The following ACTR3C variants were observed in gnomAD, a reference collection of about 807,000 sequenced individuals.
The protein encoded by ACTR3C is actin related protein 3C, also known as actin-related protein 3C.
ACTR3C carries 18 observed loss-of-function variants against 26.3 expected under a neutral mutation model. The observed-to-expected ratio is 0.68, with a 90% CI of 0.47 to 1.01. ACTR3C has a LOEUF of 1.01. ACTR3C is among the 50% of genes least tolerant of loss of function. The pLI is 0.00. For missense variants in ACTR3C, 184 were observed against 250.7 expected (o/e 0.73, Z 1.80); for synonymous variants, 55 against 94.5 (o/e 0.58, Z 2.42).
chr7:150,010,513 G>A, the ACTR3C span, among the ~76,000 whole-genome samples: 1 of 152,080 alleles, frequency 6.6e-6, no homozygotes, highest in African/African-American at 2.4e-5. Context: ...GGCCAACATG[G>A]TGAAACCCTG....
the ACTR3C span, among the ~76,000 whole-genome samples, chr7:150,143,611 C>T: frequency 3.3e-5 from 5 of 152,298 alleles, no homozygotes; most frequent in South Asian, 6.2e-4. Context: ...TGAGTATATC[C>T]GTCATGATTC....
At chr7:150,302,695 C>T (rs1233533387) in intron 1 of ACTR3C, 1 of 152,264 alleles carries the variant, frequency 6.6e-6, no homozygotes, top group East Asian at 1.9e-4. Context: ...ATTTTCTATA[C>T]CACACTTACA....
At chr7:149,986,708 C>T in the ACTR3C span, among the ~76,000 whole-genome samples, 4 of 152,108 alleles carry the variant, frequency 2.6e-5, no homozygotes, top group East Asian at 1.9e-4. Flanking sequence ...CCCATTTTCT[C>T]GCACAAAACT....
At chr7:149,884,770 G>A in the ACTR3C span, among the ~76,000 whole-genome samples, 8 of 152,330 alleles carry the variant, frequency 5.3e-5, no homozygotes, top group African/African-American at 1.7e-4. Context: ...GGAATCATGC[G>A]CCGGGTGCAG....
the ACTR3C span, among the ~76,000 whole-genome samples, chr7:150,031,108 T>A: frequency 6.6e-6 from 1 of 151,782 alleles, no homozygotes; most frequent in African/African-American, 2.4e-5. Context: ...AATACAAAAA[T>A]TAGCCAGGCA....
chr7:149,968,528 G>A, the ACTR3C span, among the ~76,000 whole-genome samples: 62,684 of 151,958 alleles, frequency 0.41, 14,433 homozygotes, highest in South Asian at 0.55. Flanking sequence ...GCGAGACTCC[G>A]TCTCAAAAAA....
chr7:150,013,990 C>G, the ACTR3C span, among the ~76,000 whole-genome samples: 1 of 152,166 alleles, frequency 6.6e-6, no homozygotes, highest in African/African-American at 2.4e-5. Context: ...AGTCTGCCAA[C>G]CTGAGTGGCT....
the ACTR3C span, among the ~76,000 whole-genome samples, chr7:150,171,775 A>G: frequency 1.4e-5 from 2 of 148,094 alleles, no homozygotes; most frequent in Admixed American, 6.6e-5. Context: ...CAGCTTACAA[A>G]TATTAAAAAT....
chr7:149,920,716 G>T, the ACTR3C span, among the ~76,000 whole-genome samples: 95,336 of 138,908 alleles, frequency 0.69, 31,675 homozygotes, highest in African/African-American at 0.8. Context: ...GTGGCCTGTT[G>T]GCTTTTTTCC....
chr7:150,042,094 C>T, the ACTR3C span, among the ~76,000 whole-genome samples: 9 of 86,342 alleles, frequency 1.0e-4, no homozygotes, highest in South Asian at 1.6e-3. Flanking sequence ...GTCCCTGCCT[C>T]GCGGGGGGTG....
the ACTR3C span, among the ~76,000 whole-genome samples, chr7:150,224,815 G>A: frequency 0.097 from 14,826 of 152,140 alleles, 922 homozygotes; most frequent in East Asian, 0.23. Context: ...TCTGCTCCAC[G>A]GGAGACCTGT....
chr7:150,286,322 T>C, intron 5 of ACTR3C, 45 bp downstream of exon 5: 1 of 1,594,192 alleles, frequency 6.3e-7, no homozygotes, highest in Non-Finnish European at 8.5e-7. Flanking sequence ...GGTGGCAGTA[T>C]CGCTCCATCC....
chr7:150,113,245 CAA>C, the ACTR3C span, among the ~76,000 whole-genome samples: 248 of 122,322 alleles, frequency 2.0e-3, no homozygotes, highest in African/African-American at 2.5e-3. Context: ...TTTCTGAGGG[CAA>C]AAAAAAAAAA....
the ACTR3C span, among the ~76,000 whole-genome samples, chr7:150,132,336 T>C: frequency 9.2e-5 from 14 of 152,232 alleles, no homozygotes; most frequent in Admixed American, 9.2e-4. Context: ...CAAAATATTG[T>C]AGCTTTAAAA....
At chr7:150,055,942 C>T in the ACTR3C span, among the ~76,000 whole-genome samples, 1 of 152,082 alleles carries the variant, frequency 6.6e-6, no homozygotes, top group Non-Finnish European at 1.5e-5. Flanking sequence ...AAAGTTGAAA[C>T]CTGACTTTTA....
chr7:150,165,504 A>C, the ACTR3C span, among the ~76,000 whole-genome samples: 1 of 150,956 alleles, frequency 6.6e-6, no homozygotes, highest in African/African-American at 2.5e-5. Flanking sequence ...ACAGTTTTCC[A>C]CGTCCTCCAA....
chr7:150,093,391 G>A, the ACTR3C span, among the ~76,000 whole-genome samples: 1,809 of 151,290 alleles, frequency 0.012, 127 homozygotes, highest in African/African-American at 0.042. Flanking sequence ...AAATAACAAT[G>A]TCTATACTCA....
chr7:150,202,928 T>G, the ACTR3C span, among the ~76,000 whole-genome samples: 39 of 152,360 alleles, frequency 2.6e-4, 1 homozygote, highest in East Asian at 4.0e-3. Context: ...CCAAAATGTC[T>G]AACCCCAGTT....
At chr7:150,021,289 T>G in the ACTR3C span, among the ~76,000 whole-genome samples, 1 of 151,940 alleles carries the variant, frequency 6.6e-6, no homozygotes, top group Non-Finnish European at 1.5e-5. Flanking sequence ...TTCATTCCTT[T>G]ATTTAGCCTA....
Sources: allele counts gnomAD v4.1 joint callset (sites outside exome capture counted in the v4.1 genomes callset), GRCh38; gene constraint gnomAD v4.1.1; transcripts MANE v1.5; gene names NCBI Gene and HGNC (gene_info 2026-07-23, HGNC 2026-07-21).